CENATAC: variants seen among roughly 807,000 people sequenced by gnomAD.
CENATAC encodes coiled-coil domain containing 84.
CENATAC carries 53 observed loss-of-function variants against 53.7 expected under a neutral mutation model. The ratio of observed to expected loss-of-function variants is 0.99; its 90% CI spans 0.79 to 1.24. CENATAC has a LOEUF of 1.24. CENATAC is among the 50% of genes most tolerant of loss of function. The probability of loss-of-function intolerance (pLI) is 0.00; values close to 1 mark genes in which losing one functional copy is unlikely to be tolerated. For synonymous variants in CENATAC, 156 were observed against 144.6 expected (o/e 1.08, Z -0.57); for missense variants, 474 against 417.8 (o/e 1.13, Z -1.17).
At chr11:119,011,095 T>C in intron 4 of CENATAC, 126 bp from the exon 5 acceptor site, 2 of 771,298 alleles carry the variant, frequency 2.6e-6, no homozygotes, top group Non-Finnish European at 2.1e-6. Context: ...TGCAGCCTGC[T>C]TCCTGACAGG....
chr11:119,003,642 G>A (rs2134534430), intron 3 of CENATAC: 1 of 120,188 alleles, frequency 8.3e-6, no homozygotes, highest in Non-Finnish European at 1.5e-5. Context: ...TTTTTTTTGG[G>A]AGACAGAGTC....
chr11:119,011,310 C>G, intron 5 of CENATAC, 27 bp downstream of exon 5: 2 of 1,610,772 alleles, frequency 1.2e-6, no homozygotes, highest in Non-Finnish European at 1.7e-6. Flanking sequence ...GGATCCAGAC[C>G]AGTATCCAAA....
chr11:119,002,579 C>A (rs1014855519), intron 3 of CENATAC, among the ~76,000 whole-genome samples: 3 of 151,958 alleles, frequency 2.0e-5, no homozygotes, highest in Non-Finnish European at 4.4e-5. Flanking sequence ...CTCAAGTGAT[C>A]CACCTGACTC....
chr11:119,011,857 C>G, intron 5 of CENATAC, 82 bp from the exon 6 acceptor site: 1 of 1,189,976 alleles, frequency 8.4e-7, no homozygotes, highest in Non-Finnish European at 1.2e-6. Context: ...TCCTGTGATA[C>G]TGGGGTCTGG....
chr11:118,998,438 G>C lies in CENATAC; in HGVS notation c.129G>C (p.Ala43=). ...ALERLLPQVE[A]ARKAIRAAQV... is the part of the protein sequence containing the mutation. ...TGGCCTCTCTGCGGCAGGTGGAGGC[G>C]GCCCGCAAGGCCATCCGCGCCGCTC... Residue 43 remains alanine, a synonymous_variant, in exon 2 of 11, where the codon GCG becomes GCC. Transcript: ENST00000334418. The C allele has an allele frequency of 6.2e-7, 1 of 1,611,938 alleles. No individual in the cohort carries two copies. Among genetic ancestry groups the C allele is most frequent in the Non-Finnish European group, 8.5e-7 (1 of 1,179,708 alleles).
intron 7 of CENATAC, 81 bp downstream of exon 7, chr11:119,012,335 C>T: frequency 1.4e-6 from 2 of 1,457,852 alleles, no homozygotes; most frequent in African/African-American, 1.4e-5. Flanking sequence ...TCTACCTATT[C>T]AAGCCACTGC....
Position 119,015,769 on chromosome 11 carries a change from AAATT to A in CENATAC, c.*174_*177del. The stretch of plus-strand genomic sequence containing the variant: ...TACAGCTGGTTGGACCTGTAAAAAA[AAATT>A]AAAAGAATCAGAACCATAAAGCTTT... On this transcript the variant is annotated 3_prime_UTR_variant, in exon 11 of 11. Coordinates refer to ENST00000334418, the MANE Select transcript of CENATAC (RefSeq NM_198489.3). 2.3e-6 allele frequency: 3 copies of A among 1,322,204 alleles called. No individual in the cohort carries two copies. The highest frequency in any genetic ancestry group is 4.6e-5 in the East Asian group (2 of 43,272). The allele number at this position is 1,322,204 out of a possible 1,614,324, so 81.9% of individuals were successfully genotyped here. A position where few individuals can be genotyped will look rare whatever the true frequency, so the allele number is the denominator to read the frequency against.
In CENATAC at chr11:118,998,173, G is replaced by A. The variant is rs903475692; in HGVS notation, c.-25G>A. 6.4e-7 allele frequency: 1 copy of A among 1,568,796 alleles called. No homozygotes were observed. On this transcript the variant is annotated 5_prime_UTR_variant, in exon 1 of 11. Coordinates refer to ENST00000334418, the MANE Select transcript of CENATAC (RefSeq NM_198489.3). ...GGATGGCGTAGGATCGGCCGCTGGT[G>A]GTGGTGATACCGGGTACCCGGGCTA...
chr11:119,015,554 G>A lies in CENATAC; in HGVS notation c.955G>A (p.Glu319Lys). ...RWQSRHQFKT[E>K]AAAMKKQSHT... ...TCCTTTCAGACATCAATTCAAAACT[G>A]AAGCTGCAGCAATGAAGAAGCAGTC... The change falls in exon 11 of 11, where the codon GAA (glutamate) becomes AAA (lysine). Residue 319 changes from glutamate (E) to lysine (K), a missense_variant. Coordinates refer to ENST00000334418, the MANE Select transcript of CENATAC (RefSeq NM_198489.3). 3 of 1,614,100 alleles carry A rather than the reference G, an allele frequency of 1.9e-6. No homozygotes were observed. Among genetic ancestry groups the A allele is most frequent in the Non-Finnish European group, 1.7e-6 (2 of 1,180,028 alleles).
rs1364815077 is a variant in CENATAC, at chr11:119,003,046, G to A, written c.383+3937G>A. The A allele has an allele frequency of 7.6e-6, 4 of 525,036 alleles. No homozygotes were observed. In the African/African-American group the frequency reaches 7.7e-5, roughly 10 times the overall value. 32.5% of individuals were successfully genotyped at this position (525,036 alleles called of 1,614,324 possible). Reference sequence around the variant, plus strand: ...CCCTATTTTGTTGGCAACATCCAAAGCATTGTAATCAGGAGCCAGTCGAAC... The same window carrying A: ...CCCTATTTTGTTGGCAACATCCAAAACATTGTAATCAGGAGCCAGTCGAAC... On this transcript the variant is annotated intron_variant, in intron 3 of 10. Transcript: ENST00000334418.
At position 119,012,198 on chromosome 11, in the gene CENATAC, G is replaced by A. The variant is rs1041006327; in HGVS notation, c.628G>A (p.Ala210Thr). ...GCCCTCAAATTTGGACCTGCCACCA[G>A]CTCCAGAGCTTGACTGGATGGAGAC... ...QQPSNLDLPP[A>T]PELDWMETGP... Residue 210 changes from alanine (A) to threonine (T), a missense_variant, in exon 7 of 11, where the codon GCT (alanine) becomes ACT (threonine). Physicochemically the swap from Ala to Thr is moderately conservative, Grantham distance 58 (BLOSUM62 0). Coordinates refer to ENST00000334418, the MANE Select transcript of CENATAC (RefSeq NM_198489.3). The A allele has an allele frequency of 2.5e-6, 4 of 1,614,012 alleles. No individual in the cohort carries two copies. In the African/African-American group the frequency reaches 4.0e-5, roughly 16 times the overall value.
chr11:119,003,305 T>C (rs1373450504), intron 3 of CENATAC: 1 of 530,628 alleles, frequency 1.9e-6, no homozygotes, highest in Non-Finnish European at 3.7e-6. Flanking sequence ...TCGCAATGTC[T>C]TGGGCCGCCA....
intron 3 of CENATAC, chr11:119,003,688 G>C (rs1942437256): frequency 6.3e-6 from 1 of 158,466 alleles, no homozygotes; most frequent in Admixed American, 8.2e-5. Flanking sequence ...GCATGATCTT[G>C]GCTCACTGCA....
At chr11:119,000,156 C>G (rs184860195) in intron 3 of CENATAC, among the ~76,000 whole-genome samples, 1 of 152,352 alleles carries the variant, frequency 6.6e-6, no homozygotes, top group Admixed American at 6.5e-5. Flanking sequence ...GCTATTTTGA[C>G]ATATTTTAAG....
At position 118,998,336 on chromosome 11, in the gene CENATAC, A is replaced by T; in HGVS notation, c.120+19A>T. On this transcript the variant is annotated intron_variant, in intron 1 of 10. Transcript: ENST00000334418. Reference sequence around the variant, plus strand: ...GCCCCAGGTGCGGAGGCAAGGCTAGAGATGGGATGGGAGTGCGGGGCAGGT... The same window carrying T: ...GCCCCAGGTGCGGAGGCAAGGCTAGTGATGGGATGGGAGTGCGGGGCAGGT... 1.9e-5 allele frequency: 30 copies of T among 1,611,458 alleles called. No homozygotes were observed. Among genetic ancestry groups the T allele is most frequent in the Non-Finnish European group, 2.5e-5 (30 of 1,178,728 alleles).
At chr11:119,002,590 G>A (rs1174790066) in intron 3 of CENATAC, among the ~76,000 whole-genome samples, 2 of 151,812 alleles carry the variant, frequency 1.3e-5, no homozygotes, top group African/African-American at 4.8e-5. Flanking sequence ...CACCTGACTC[G>A]GCTTCCCAAA....
chr11:119,011,170 G>C lies in CENATAC; in HGVS notation c.451-51G>C, dbSNP rs781790144. On this transcript the variant is annotated intron_variant, in intron 4 of 10. Transcript: ENST00000334418. ...CCAAGTTAAAGGAAAGGCCTCTGAA[G>C]AAACTGGCCCCCATGATCCTGTACC... 8 of 1,536,474 alleles carry C rather than the reference G, an allele frequency of 5.2e-6. No homozygotes were observed. In the South Asian group the frequency reaches 9.0e-5, roughly 17 times the overall value.
chr11:119,011,189 C>T, intron 4 of CENATAC, 32 bp from the exon 5 acceptor site: 2 of 1,599,424 alleles, frequency 1.3e-6, no homozygotes, highest in Non-Finnish European at 1.7e-6. Context: ...CCCCATGATC[C>T]TGTACCTGTC....
chr11:119,009,809 A>C (rs2134557952), intron 3 of CENATAC: 1 of 152,350 alleles, frequency 6.6e-6, no homozygotes, highest in Admixed American at 6.5e-5. Context: ...GGAAGATACA[A>C]GTAAGGAATG....
Sources: allele counts gnomAD v4.1 joint callset (sites outside exome capture counted in the v4.1 genomes callset), GRCh38; gene constraint gnomAD v4.1.1; transcripts MANE v1.5; gene names NCBI Gene and HGNC (gene_info 2026-07-23, HGNC 2026-07-21).